XKR9: variants seen among roughly 807,000 people sequenced by gnomAD.
XKR9 encodes the protein XK-related protein 9.
A neutral mutation model predicts 32.0 loss-of-function variants in XKR9; 32 were observed. The observed-to-expected ratio is 1.00, with a 90% CI of 0.76 to 1.34. The LOEUF (loss-of-function observed/expected upper bound fraction) is 1.34. Among genes scored for constraint, XKR9 ranks in the 40% most tolerant of loss-of-function variants. XKR9 has a pLI of 0.00. For missense variants in XKR9, 546 were observed against 429.7 expected, an observed-to-expected ratio of 1.27 and a Z score of -2.39; for synonymous variants, 168 against 143.4, an observed-to-expected ratio of 1.17 and a Z score of -1.22.
At chr8:70,879,057 T>G in the XKR9 span, among the ~76,000 whole-genome samples, 2 of 152,158 alleles carry the variant, frequency 1.3e-5, no homozygotes, top group Admixed American at 1.3e-4. Flanking sequence ...GAATGACTAC[T>G]TGGTAAATAA....
the XKR9 span, among the ~76,000 whole-genome samples, chr8:70,802,102 A>T: frequency 6.7e-6 from 1 of 149,600 alleles, no homozygotes; most frequent in African/African-American, 2.5e-5. Flanking sequence ...ACGCCCGGCT[A>T]TTTTTTTGTA....
chr8:70,852,115 T>G, the XKR9 span, among the ~76,000 whole-genome samples: 1 of 151,996 alleles, frequency 6.6e-6, no homozygotes, highest in Non-Finnish European at 1.5e-5. Context: ...CATCAAAAAG[T>G]GGGTGAAAGA....
chr8:70,732,044 C>A (rs546938135), intron 4 of XKR9, among the ~76,000 whole-genome samples: 1 of 152,248 alleles, frequency 6.6e-6, no homozygotes, highest in South Asian at 2.1e-4. Context: ...GAGAGCCAAC[C>A]ACGACTCCCA....
chr8:70,877,880 G>A, the XKR9 span, among the ~76,000 whole-genome samples: 1 of 152,186 alleles, frequency 6.6e-6, no homozygotes, highest in African/African-American at 2.4e-5. Flanking sequence ...AGGTTGAAAT[G>A]AAGGAAAAAG....
chr8:70,774,418 C>T (rs1390889943), intron 2 of XKR9, among the ~76,000 whole-genome samples: 1 of 152,126 alleles, frequency 6.6e-6, no homozygotes, highest in East Asian at 1.9e-4. Context: ...ACTGGAATTA[C>T]AGGGACTAGC....
rs1308914375 is a variant in XKR9 at position 70,735,318 on chromosome 8, C to A, written c.*894C>A. The stretch of plus-strand genomic sequence containing the variant: ...TTTTTTGTTTCTATGAGTTTGAATA[C>A]TTTAGATACCTTGTTGCCATGGTTT... On this transcript the variant is annotated 3_prime_UTR_variant, in exon 5 of 5. Coordinates refer to ENST00000408926, the MANE Select transcript of XKR9 (RefSeq NM_001011720.2). The A allele has an allele frequency of 6.6e-6, 1 of 151,874 alleles. No homozygotes were observed. The highest frequency in any genetic ancestry group is 2.4e-5 in the African/African-American group (1 of 41,378). 9.4% of individuals were successfully genotyped at this position (151,874 alleles called of 1,614,324 possible).
At chr8:70,891,442 C>T in the XKR9 span, among the ~76,000 whole-genome samples, 1 of 152,086 alleles carries the variant, frequency 6.6e-6, no homozygotes, top group Middle Eastern at 3.4e-3. Context: ...TAAACTTCCT[C>T]TTAATACTGC....
At chr8:70,906,720 C>T in the XKR9 span, among the ~76,000 whole-genome samples, 5,756 of 152,178 alleles carry the variant, frequency 0.038, 150 homozygotes, top group South Asian at 0.078. Context: ...GAAATACTGG[C>T]TTAAGAGATA....
At chr8:70,820,403 G>A in the XKR9 span, among the ~76,000 whole-genome samples, 1 of 152,188 alleles carries the variant, frequency 6.6e-6, no homozygotes, top group Admixed American at 6.5e-5. Context: ...CCTGGAGCTA[G>A]CATCTGCTTC....
At chr8:70,838,746 A>C in the XKR9 span, among the ~76,000 whole-genome samples, 19 of 152,218 alleles carry the variant, frequency 1.2e-4, no homozygotes, top group African/African-American at 4.3e-4. Flanking sequence ...CAAGTAGACT[A>C]ACATTTCTGA....
chr8:70,824,108 T>C, the XKR9 span, among the ~76,000 whole-genome samples: 1 of 152,118 alleles, frequency 6.6e-6, no homozygotes, highest in Non-Finnish European at 1.5e-5. Flanking sequence ...TGTAATACTG[T>C]GCTATATACT....
chr8:71,016,461 T>G, the XKR9 span, among the ~76,000 whole-genome samples: 1 of 152,110 alleles, frequency 6.6e-6, no homozygotes, highest in Non-Finnish European at 1.5e-5. Flanking sequence ...AAAGCCCTCA[T>G]CACAAAACAG....
chr8:70,804,169 C>G, the XKR9 span, among the ~76,000 whole-genome samples: 231 of 152,380 alleles, frequency 1.5e-3, no homozygotes, highest in African/African-American at 5.3e-3. Flanking sequence ...TAAGTTCACA[C>G]AGAAGCAGAA....
chr8:70,916,158 T>C, the XKR9 span, among the ~76,000 whole-genome samples: 4 of 152,322 alleles, frequency 2.6e-5, no homozygotes, highest in South Asian at 6.2e-4. Context: ...TCAAAAGAAT[T>C]GTCTACATTC....
chr8:70,944,844 A>C, the XKR9 span, among the ~76,000 whole-genome samples: 1 of 152,200 alleles, frequency 6.6e-6, no homozygotes, highest in Non-Finnish European at 1.5e-5. Flanking sequence ...ACTCTGTTAA[A>C]TTGCTCTCTG....
chr8:70,782,865 G>A (rs1390335979), intron 2 of XKR9, among the ~76,000 whole-genome samples: 1 of 152,156 alleles, frequency 6.6e-6, no homozygotes, highest in East Asian at 1.9e-4. Context: ...TGGCTATTGT[G>A]AATAGTGCTG....
At chr8:71,022,179 T>C in the XKR9 span, among the ~76,000 whole-genome samples, 14 of 152,196 alleles carry the variant, frequency 9.2e-5, no homozygotes, top group Non-Finnish European at 1.6e-4. Context: ...TTGTATTCTG[T>C]TTCATTTGTC....
At chr8:70,776,892 G>A (rs184620947) in intron 2 of XKR9, among the ~76,000 whole-genome samples, 1 of 138,090 alleles carries the variant, frequency 7.2e-6, no homozygotes, top group Non-Finnish European at 1.6e-5. Flanking sequence ...TATCAACACA[G>A]TACCTTGCAT....
the XKR9 span, among the ~76,000 whole-genome samples, chr8:71,002,146 C>T: frequency 6.6e-6 from 1 of 152,024 alleles, no homozygotes; most frequent in South Asian, 2.1e-4. Flanking sequence ...CTACTGTTTT[C>T]AGGCCATTGT....
Sources: gnomAD v4.1 joint callset for allele counts (sites outside exome capture counted in the v4.1 genomes callset) on GRCh38, gnomAD v4.1.1 for gene constraint, MANE v1.5 for transcripts, NCBI Gene and HGNC (gene_info 2026-07-23, HGNC 2026-07-21) for gene names.